Variants in SMYD3 observed in about 807,000 individuals in gnomAD.
SMYD3 encodes the protein histone-lysine N-methyltransferase SMYD3.
SMYD3 carries 36 observed loss-of-function variants against 57.7 expected under a neutral mutation model. The observed-to-expected ratio is 0.62, with a 90% CI of 0.48 to 0.82. SMYD3 has a LOEUF of 0.82. Among genes scored for constraint, SMYD3 ranks in the 40% least tolerant of loss-of-function variants. The pLI is 0.00. For synonymous variants in SMYD3, 211 were observed against 195.0 expected (o/e 1.08, Z -0.68); for missense variants, 515 against 538.8 (o/e 0.96, Z 0.44).
chr1:246,050,845 T>TA (rs773500722), intron 5 of SMYD3, among the ~76,000 whole-genome samples: 15 of 152,138 alleles, frequency 9.9e-5, no homozygotes, highest in Non-Finnish European at 1.6e-4. Context: ...CACCTAATAT[T>TA]AACTATCAAA....
rs1204258335 is a variant in SMYD3 at position 245,815,625 on chromosome 1, C to A, written c.1076+42871G>T. Among the ~76,000 whole-genome samples, 6 of 152,208 alleles carry A rather than the reference C, an allele frequency of 3.9e-5. No homozygotes were observed. The East Asian group carries it at 9.6e-4, about 24-fold the overall frequency. On this transcript the variant is annotated intron_variant, in intron 10 of 11. Coordinates refer to ENST00000490107, the MANE Select transcript of SMYD3 (RefSeq NM_001167740.2). The stretch of plus-strand genomic sequence containing the variant: ...CCAGATGGCTGGTGGTAGAAGCAAC[C>A]CTGTCCCTGTAGCACCTCTCTGTGT...
chr1:245,763,656 C>T (rs1053765837), intron 11 of SMYD3, among the ~76,000 whole-genome samples: 2 of 151,872 alleles, frequency 1.3e-5, no homozygotes, highest in Admixed American at 6.6e-5. Flanking sequence ...GCTTGCCACG[C>T]GAGGGACACG....
chr1:246,200,622 AGAG>A (rs1482132824), intron 5 of SMYD3, among the ~76,000 whole-genome samples: 1 of 139,138 alleles, frequency 7.2e-6, no homozygotes, highest in Non-Finnish European at 1.5e-5. Context: ...TAGAGAAGAT[AGAG>A]GAGAACAGCG....
At chr1:246,295,628 A>T (rs1457158014) in intron 5 of SMYD3, among the ~76,000 whole-genome samples, 1 of 152,216 alleles carries the variant, frequency 6.6e-6, no homozygotes. Flanking sequence ...AAGGAATTTA[A>T]TAAAAGTATC....
chr1:246,436,568 T>A (rs781015161), intron 1 of SMYD3, among the ~76,000 whole-genome samples: 24 of 152,312 alleles, frequency 1.6e-4, no homozygotes, highest in Admixed American at 2.6e-4. Flanking sequence ...CTGTCATAAT[T>A]CCTAAGTCTT....
chr1:246,273,573 A>G lies in SMYD3; in HGVS notation c.531+53628T>C, dbSNP rs188008151. Among the ~76,000 whole-genome samples the G allele has an allele frequency of 4.8e-3, 469 of 97,220 alleles. 8 individuals are homozygous for G. Among genetic ancestry groups the G allele is most frequent in the Admixed American group, 0.043 (422 of 9,716 alleles). The allele number at this position is 97,220 out of a possible 152,430, so 63.8% of individuals were successfully genotyped here. A position where few individuals can be genotyped will look rare whatever the true frequency, so the allele number is the denominator to read the frequency against. ...AAGAACGCAGCTTTTGGTTTCACTA[A>G]TCTTTTTTTTTTTTTTTTTTTTTTT... is the stretch of plus-strand genomic sequence containing the variant. On this transcript the variant is annotated intron_variant, in intron 5 of 11. Transcript: ENST00000490107.
At chr1:246,332,141 G>C (rs2065471549) in intron 3 of SMYD3, among the ~76,000 whole-genome samples, 1 of 152,202 alleles carries the variant, frequency 6.6e-6, no homozygotes, top group Admixed American at 6.5e-5. Flanking sequence ...AGAAAAATGA[G>C]TAAGCTTAGT....
intron 10 of SMYD3, among the ~76,000 whole-genome samples, chr1:245,833,814 G>A (rs1050260867): frequency 6.6e-6 from 1 of 152,208 alleles, no homozygotes; most frequent in Non-Finnish European, 1.5e-5. Context: ...GCTCATTGGC[G>A]TGAGAAGCCA....
chr1:246,242,490 T>C (rs1468142465), intron 5 of SMYD3, among the ~76,000 whole-genome samples: 1 of 152,176 alleles, frequency 6.6e-6, no homozygotes, highest in African/African-American at 2.4e-5. Flanking sequence ...TTATATTTGC[T>C]GAGGAGTGCT....
rs1553336559 is a variant in SMYD3 at position 246,348,077 on chromosome 1, T to TACAC, written c.228+6950_228+6953dup. Reference sequence around the variant, plus strand: ...AGAAAACGTTATATATATATATATATACACACACACCATCAAATACTATGA... The same window carrying TACAC: ...AGAAAACGTTATATATATATATATATACACACACACACACCATCAAATACTATGA... On this transcript the variant is annotated intron_variant, in intron 2 of 11. Transcript: ENST00000490107. 6.4e-4 allele frequency among the ~76,000 whole-genome samples: 55 copies of TACAC among 86,254 alleles called. 2 individuals carry two copies. The highest frequency in any genetic ancestry group is 1.2e-3 in the Admixed American group (9 of 7,346). The allele number at this position is 86,254 out of a possible 152,430, so 56.6% of individuals were successfully genotyped here.
At chr1:246,122,058 G>C (rs2061432594) in intron 5 of SMYD3, among the ~76,000 whole-genome samples, 1 of 134,020 alleles carries the variant, frequency 7.5e-6, no homozygotes, top group Non-Finnish European at 1.5e-5. Flanking sequence ...AGGAAGAAAA[G>C]ACTAATTAAA....
rs192599460 is a variant in SMYD3 at position 245,877,170 on chromosome 1, C to T, written c.814-13284G>A. Among the ~76,000 whole-genome samples, 702 of 152,318 alleles carry T rather than the reference C, an allele frequency of 4.6e-3. 3 individuals carry two copies. Among genetic ancestry groups the T allele is most frequent in the African/African-American group, 0.015 (628 of 41,562 alleles). ...GGAGACGGGGCAGCTCCCCGGCCCT[C>T]TGCTGCCCTACTAGGTCTGCAGTTA... On this transcript the variant is annotated intron_variant, in intron 8 of 11. Coordinates refer to ENST00000490107, the MANE Select transcript of SMYD3 (RefSeq NM_001167740.2).
intron 8 of SMYD3, among the ~76,000 whole-genome samples, chr1:245,890,873 G>T (rs9662091): frequency 1 from 151,954 of 152,340 alleles, 75,789 homozygotes; most frequent in Middle Eastern, 1. Context: ...ACACAATGGA[G>T]TACTAGTCAG....
chr1:245,821,107 G>C (rs2049131329), intron 10 of SMYD3, among the ~76,000 whole-genome samples: 2 of 150,126 alleles, frequency 1.3e-5, no homozygotes, highest in Non-Finnish European at 3.0e-5. Context: ...TAAGCCAAAA[G>C]AACAAAGCTG....
Position 246,009,549 on chromosome 1 carries a change from C to T in SMYD3, c.532-79612G>A, listed in dbSNP as rs185006646. On this transcript the variant is annotated intron_variant, in intron 5 of 11. Coordinates refer to ENST00000490107, the MANE Select transcript of SMYD3 (RefSeq NM_001167740.2). Reference sequence around the variant, plus strand: ...ACACACGTACATAAAAGGGTAACAACGCAAAAGGCAATACTGGTTTGTGTA... The same window carrying T: ...ACACACGTACATAAAAGGGTAACAATGCAAAAGGCAATACTGGTTTGTGTA... Among the ~76,000 whole-genome samples, 57 of 151,988 alleles carry T rather than the reference C, an allele frequency of 3.8e-4. 1 individual carries two copies. Among genetic ancestry groups the T allele is most frequent in the Admixed American group, 3.1e-3 (48 of 15,264 alleles).
chr1:246,253,601 G>A (rs369854683), intron 5 of SMYD3, among the ~76,000 whole-genome samples: 1 of 152,190 alleles, frequency 6.6e-6, no homozygotes. Context: ...AGCATGGAAT[G>A]TCTTTCTACT....
At chr1:245,771,121 CAT>C (rs923761547) in intron 10 of SMYD3, among the ~76,000 whole-genome samples, 5 of 151,292 alleles carry the variant, frequency 3.3e-5, no homozygotes, top group African/African-American at 1.2e-4. Flanking sequence ...TATACACATA[CAT>C]ATATATACAT....
intron 5 of SMYD3, among the ~76,000 whole-genome samples, chr1:246,289,828 A>G (rs1459769236): frequency 6.6e-6 from 1 of 152,214 alleles, no homozygotes; most frequent in Non-Finnish European, 1.5e-5. Context: ...AAGTGGATAC[A>G]CAGACTTCCT....
chr1:245,806,385 A>T (rs2048144679), intron 10 of SMYD3, among the ~76,000 whole-genome samples: 1 of 152,214 alleles, frequency 6.6e-6, no homozygotes, highest in Admixed American at 6.5e-5. Context: ...GCTGTGAGGT[A>T]GGTACTGTAA....
Sources: gnomAD v4.1 joint callset for allele counts (sites outside exome capture counted in the v4.1 genomes callset) on GRCh38, gnomAD v4.1.1 for gene constraint, MANE v1.5 for transcripts, NCBI Gene and HGNC (gene_info 2026-07-23, HGNC 2026-07-21) for gene names.